Variants in RGS6 observed in about 807,000 individuals in gnomAD.
RGS6 encodes the protein regulator of G protein signaling 6, also known as regulator of G-protein signaling 6.
A neutral mutation model predicts 78.5 loss-of-function variants in RGS6; 30 were observed. That is an observed-to-expected ratio of 0.38 (90% CI 0.29 to 0.52). The LOEUF is 0.52. Ranked by LOEUF, RGS6 falls within the 20% of genes least tolerant of loss-of-function variation. The pLI is 0.85. For synonymous variants in RGS6, 206 were observed against 206.0 expected (o/e 1.00, Z 0.00); for missense variants, 495 against 609.7 (o/e 0.81, Z 1.98).
chr14:71,996,739 GA>G (rs1162418915), intron 2 of RGS6, among the ~76,000 whole-genome samples: 4 of 151,618 alleles, frequency 2.6e-5, no homozygotes, highest in African/African-American at 9.7e-5. Context: ...GCTGAGAACT[GA>G]AGGATGAGGA....
chr14:72,402,218 C>T (rs1056227212), intron 3 of RGS6, among the ~76,000 whole-genome samples: 2 of 152,110 alleles, frequency 1.3e-5, no homozygotes, highest in African/African-American at 4.8e-5. Flanking sequence ...CTCAGAGCAG[C>T]GTACAGAAAG....
At chr14:72,552,242 CAG>C (rs774471000) in intron 17 of RGS6, among the ~76,000 whole-genome samples, 3 of 152,170 alleles carry the variant, frequency 2.0e-5, no homozygotes, top group South Asian at 2.1e-4. Context: ...AAAGTCAACT[CAG>C]AGAGTTAGTT....
chr14:72,057,082 G>C (rs917195185), intron 2 of RGS6, among the ~76,000 whole-genome samples: 1 of 152,068 alleles, frequency 6.6e-6, no homozygotes, highest in Non-Finnish European at 1.5e-5. Context: ...GGAAGGCCGA[G>C]GCAGGCGGAT....
At chr14:72,174,478 A>G (rs896554443) in intron 2 of RGS6, among the ~76,000 whole-genome samples, 1 of 152,164 alleles carries the variant, frequency 6.6e-6, no homozygotes, top group Admixed American at 6.5e-5. Flanking sequence ...GAGCTCAAAG[A>G]TGTTTTAGGA....
chr14:72,265,551 G>A (rs189957469), intron 2 of RGS6, among the ~76,000 whole-genome samples: 335 of 152,226 alleles, frequency 2.2e-3, no homozygotes, highest in African/African-American at 7.4e-3. Flanking sequence ...GTTGCTAGAG[G>A]TAGAGCTTGC....
chr14:72,337,214 G>A lies in RGS6; in HGVS notation c.85-14881G>A, dbSNP rs1050457723. 2.0e-5 allele frequency among the ~76,000 whole-genome samples: 3 copies of A among 151,838 alleles called. No homozygotes were observed. The East Asian group carries it at 5.8e-4, about 29-fold the overall frequency. ...GTGCTTCTGATGTGGCTCAGCTCTG[G>A]AACTGACTCCCACCCCCATCACCCA... On this transcript the variant is annotated intron_variant, in intron 2 of 17. Coordinates refer to ENST00000553525, the MANE Select transcript of RGS6 (RefSeq NM_001204424.2).
At chr14:72,484,546 G>T (rs1015642234) in intron 12 of RGS6, among the ~76,000 whole-genome samples, 1 of 151,978 alleles carries the variant, frequency 6.6e-6, no homozygotes, top group African/African-American at 2.4e-5. Flanking sequence ...TTGGTGGGGG[G>T]CGGTCACATC....
intron 2 of RGS6, among the ~76,000 whole-genome samples, chr14:72,165,624 C>T (rs1312691737): frequency 6.6e-6 from 1 of 152,164 alleles, no homozygotes; most frequent in Non-Finnish European, 1.5e-5. Flanking sequence ...TCTTTCCACC[C>T]AAGCAAAATG....
At chr14:72,496,028 A>G (rs200971098) in intron 13 of RGS6, among the ~76,000 whole-genome samples, 1 of 140,058 alleles carries the variant, frequency 7.1e-6, no homozygotes, top group Non-Finnish European at 1.6e-5. Context: ...TCTGTCACTC[A>G]CATTGTCTTT....
At chr14:72,513,936 G>T (rs2096909605) in intron 14 of RGS6, 1 of 152,260 alleles carries the variant, frequency 6.6e-6, no homozygotes, top group African/African-American at 2.4e-5. Flanking sequence ...AGAGAACACA[G>T]TGGGGCACCA....
chr14:72,490,729 C>T (rs534857286), intron 12 of RGS6, among the ~76,000 whole-genome samples: 198 of 152,332 alleles, frequency 1.3e-3, no homozygotes, highest in African/African-American at 4.6e-3. Flanking sequence ...TCATGATAAA[C>T]ACCTGGGACA....
intron 2 of RGS6, among the ~76,000 whole-genome samples, chr14:72,169,263 G>T (rs1325170157): frequency 6.6e-6 from 1 of 152,072 alleles, no homozygotes; most frequent in African/African-American, 2.4e-5. Context: ...TACGTTTTTT[G>T]ATTCAAAGGG....
At chr14:72,268,319 C>T (rs1359522161) in intron 2 of RGS6, among the ~76,000 whole-genome samples, 1 of 152,206 alleles carries the variant, frequency 6.6e-6, no homozygotes, top group Non-Finnish European at 1.5e-5. Context: ...TTCTGTTCTC[C>T]TGTTTTCCCA....
chr14:72,478,601 A>G (rs879765159), intron 12 of RGS6, among the ~76,000 whole-genome samples: 3 of 152,236 alleles, frequency 2.0e-5, no homozygotes, highest in Non-Finnish European at 4.4e-5. Flanking sequence ...TTAAAGCTAC[A>G]TAATGCACCT....
chr14:72,098,377 A>G (rs1023394932), intron 2 of RGS6, among the ~76,000 whole-genome samples: 1 of 152,228 alleles, frequency 6.6e-6, no homozygotes, highest in African/African-American at 2.4e-5. Flanking sequence ...TCGTGTGGAC[A>G]TGTGGCAGGT....
At chr14:72,302,687 C>T (rs1257863150) in intron 2 of RGS6, among the ~76,000 whole-genome samples, 2 of 152,004 alleles carry the variant, frequency 1.3e-5, no homozygotes, top group African/African-American at 2.4e-5. Flanking sequence ...CACATACACA[C>T]ACACACACAC....
At chr14:72,137,016 G>T (rs1353409394) in intron 2 of RGS6, among the ~76,000 whole-genome samples, 1 of 152,066 alleles carries the variant, frequency 6.6e-6, no homozygotes, top group African/African-American at 2.4e-5. Context: ...CTTCCTCAGT[G>T]CCCCTCTCTA....
intron 3 of RGS6, among the ~76,000 whole-genome samples, chr14:72,454,139 A>G (rs1268103019): frequency 6.6e-6 from 1 of 152,236 alleles, no homozygotes; most frequent in African/African-American, 2.4e-5. Flanking sequence ...GCAAGAACCT[A>G]TGAGGTCACC....
At chr14:72,062,532 A>G (rs1019856536) in intron 2 of RGS6, among the ~76,000 whole-genome samples, 1 of 152,248 alleles carries the variant, frequency 6.6e-6, no homozygotes, top group Non-Finnish European at 1.5e-5. Context: ...GTTTGGACAC[A>G]GTTGGCAAGT....
Sources: allele counts gnomAD v4.1 joint callset (sites outside exome capture counted in the v4.1 genomes callset), GRCh38; gene constraint gnomAD v4.1.1; transcripts MANE v1.5; gene names NCBI Gene and HGNC (gene_info 2026-07-23, HGNC 2026-07-21).